TMC1: variants seen among roughly 807,000 people sequenced by gnomAD.
The protein encoded by TMC1 is transmembrane channel-like protein 1.
In TMC1, 84 loss-of-function variants were observed where a neutral mutation model predicts 105.8. That is an observed-to-expected ratio of 0.79 (90% CI 0.67 to 0.95). The LOEUF is 0.95. Among genes scored for constraint, TMC1 ranks in the 40% least tolerant of loss-of-function variants. The probability of loss-of-function intolerance (pLI) is 0.00; values close to 1 mark genes in which losing one functional copy is unlikely to be tolerated. For synonymous variants in TMC1, 315 were observed against 311.5 expected, an observed-to-expected ratio of 1.01 and a Z score of -0.12; for missense variants, 817 against 914.1, an observed-to-expected ratio of 0.89 and a Z score of 1.37.
chr9:72,548,968 C>T (rs1440159273), intron 1 of TMC1, among the ~76,000 whole-genome samples: 1 of 152,224 alleles, frequency 6.6e-6, no homozygotes, highest in Non-Finnish European at 1.5e-5. Context: ...CTCTATCCAC[C>T]TATATTTCTA....
chr9:72,723,011 C>CAACA (rs1827055177), intron 8 of TMC1, among the ~76,000 whole-genome samples: 1 of 152,066 alleles, frequency 6.6e-6, no homozygotes, highest in East Asian at 1.9e-4. Context: ...CAACTGAAAG[C>CAACA]AGAGGTTAAA....
At chr9:72,614,200 C>T (rs7032232) in intron 2 of TMC1, among the ~76,000 whole-genome samples, 1 of 151,908 alleles carries the variant, frequency 6.6e-6, no homozygotes. Flanking sequence ...TGTTTGTGTC[C>T]AGTTTGAAGA....
chr9:72,660,125 G>A (rs1335773030), intron 5 of TMC1, among the ~76,000 whole-genome samples: 2 of 152,070 alleles, frequency 1.3e-5, no homozygotes, highest in Non-Finnish European at 2.9e-5. Flanking sequence ...TGCTTAAAGT[G>A]TGAACTGAAT....
In TMC1 at chr9:72,836,068, G is replaced by C; in HGVS notation, c.*95G>C. 1 of 1,407,896 alleles carries C rather than the reference G, an allele frequency of 7.1e-7. No individual in the cohort carries two copies. Among genetic ancestry groups the C allele is most frequent in the Non-Finnish European group, 1.0e-6 (1 of 1,000,818 alleles). The allele number at this position is 1,407,896 out of a possible 1,614,324, so 87.2% of individuals were successfully genotyped here. The stretch of plus-strand genomic sequence containing the variant: ...CCCAGAGAACAAGCACTGTGGAACT[G>C]CTATTTTCCTGTTCTACCCTTGATG... On this transcript the variant is annotated 3_prime_UTR_variant, in exon 24 of 24. Coordinates refer to ENST00000297784, the MANE Select transcript of TMC1 (RefSeq NM_138691.3).
intron 18 of TMC1, among the ~76,000 whole-genome samples, chr9:72,806,476 C>T (rs1202241432): frequency 3.3e-5 from 5 of 150,644 alleles, no homozygotes; most frequent in African/African-American, 4.9e-5. Flanking sequence ...GGGTGGCTGC[C>T]GGGCGGAGAG....
At chr9:72,793,986 A>G (rs1008109352) in intron 17 of TMC1, among the ~76,000 whole-genome samples, 2 of 152,138 alleles carry the variant, frequency 1.3e-5, no homozygotes, top group African/African-American at 4.8e-5. Context: ...CTAACAAAGG[A>G]ACAAAGACCC....
intron 8 of TMC1, among the ~76,000 whole-genome samples, chr9:72,703,960 CTATTGAGCT>C (rs1174522675): frequency 6.6e-6 from 1 of 152,194 alleles, no homozygotes; most frequent in African/African-American, 2.4e-5. Context: ...TTTGAATGCT[CTATTGAGCT>C]TTTTTTGAAT....
At chr9:72,724,724 G>C (rs1827086408) in intron 8 of TMC1, among the ~76,000 whole-genome samples, 1 of 152,024 alleles carries the variant, frequency 6.6e-6, no homozygotes, top group African/African-American at 2.4e-5. Flanking sequence ...TATATAGTAA[G>C]ACACATTAAA....
intron 7 of TMC1, among the ~76,000 whole-genome samples, chr9:72,696,376 C>A (rs1472563287): frequency 1.3e-5 from 2 of 152,158 alleles, no homozygotes; most frequent in Non-Finnish European, 2.9e-5. Context: ...TTTGCTGCGA[C>A]AATTTGTGCA....
intron 5 of TMC1, among the ~76,000 whole-genome samples, chr9:72,656,394 G>A (rs767307298): frequency 6.6e-6 from 1 of 151,468 alleles, no homozygotes; most frequent in Non-Finnish European, 1.5e-5. Flanking sequence ...TTTTTTTTGG[G>A]CCAATATCTA....
chr9:72,603,848 GTTTTTTT>G (rs534608884), intron 2 of TMC1, among the ~76,000 whole-genome samples: 5 of 73,998 alleles, frequency 6.8e-5, no homozygotes, highest in East Asian at 4.6e-4. Context: ...GCGACCGGCT[GTTTTTTT>G]TTTTTTTTTT....
chr9:72,625,188 G>A (rs1310205054), intron 3 of TMC1, among the ~76,000 whole-genome samples: 2 of 152,136 alleles, frequency 1.3e-5, no homozygotes, highest in African/African-American at 4.8e-5. Context: ...TTGTTTCTCT[G>A]GAGACACTTG....
chr9:72,687,837 G>A (rs1452309854), intron 5 of TMC1, among the ~76,000 whole-genome samples: 1 of 151,882 alleles, frequency 6.6e-6, no homozygotes, highest in Non-Finnish European at 1.5e-5. Context: ...ATAAAAATAT[G>A]ATAAAATTCA....
At chr9:72,563,909 A>G (rs1824101658) in intron 1 of TMC1, among the ~76,000 whole-genome samples, 1 of 150,776 alleles carries the variant, frequency 6.6e-6, no homozygotes, top group Non-Finnish European at 1.5e-5. Flanking sequence ...CAAAAAAAAA[A>G]AAAAAAAAAA....
intron 15 of TMC1, among the ~76,000 whole-genome samples, chr9:72,790,292 T>A (rs1454825439): frequency 6.6e-6 from 1 of 152,142 alleles, no homozygotes; most frequent in South Asian, 2.1e-4. Flanking sequence ...AATGATATAA[T>A]CTACTTACAG....
intron 5 of TMC1, among the ~76,000 whole-genome samples, chr9:72,654,708 T>C (rs2132155556): frequency 6.6e-6 from 1 of 152,202 alleles, no homozygotes; most frequent in Admixed American, 6.5e-5. Context: ...ACTTTTTGTT[T>C]AAATATTAAA....
At chr9:72,791,021 T>C (rs986309533) in intron 15 of TMC1, among the ~76,000 whole-genome samples, 4 of 152,156 alleles carry the variant, frequency 2.6e-5, no homozygotes, top group African/African-American at 9.6e-5. Context: ...GGAAAGGAGA[T>C]AGTCACCAGA....
At chr9:72,625,542 G>C (rs1340414318) in intron 3 of TMC1, among the ~76,000 whole-genome samples, 1 of 152,010 alleles carries the variant, frequency 6.6e-6, no homozygotes, top group African/African-American at 2.4e-5. Context: ...CAAAAAATTA[G>C]CCGGGCGTGG....
At chr9:72,584,866 C>T (rs1184322669) in intron 2 of TMC1, among the ~76,000 whole-genome samples, 1 of 142,054 alleles carries the variant, frequency 7.0e-6, no homozygotes, top group East Asian at 2.2e-4. Flanking sequence ...CTCACTGCAT[C>T]CTCCGCCGCC....
Sources: gnomAD v4.1 joint callset for allele counts (sites outside exome capture counted in the v4.1 genomes callset) on GRCh38, gnomAD v4.1.1 for gene constraint, MANE v1.5 for transcripts, NCBI Gene and HGNC (gene_info 2026-07-23, HGNC 2026-07-21) for gene names.